Variants in LYN observed in about 807,000 individuals in gnomAD.
LYN encodes tyrosine-protein kinase Lyn.
Under a neutral mutation model 65.0 loss-of-function variants are expected in LYN, and 12 were observed. That is an observed-to-expected ratio of 0.18 (90% CI 0.12 to 0.30). LYN has a LOEUF of 0.30. Among genes scored for constraint, LYN ranks in the 10% least tolerant of loss-of-function variants. LYN has a pLI of 1.00. For synonymous variants in LYN, 222 were observed against 221.2 expected (o/e 1.00, Z -0.03); for missense variants, 380 against 623.2 (o/e 0.61, Z 4.16).
chr8:55,954,586 C>T (rs570478421), intron 8 of LYN, among the ~76,000 whole-genome samples: 1 of 152,122 alleles, frequency 6.6e-6, no homozygotes, highest in South Asian at 2.1e-4. Flanking sequence ...TACCTGTAAT[C>T]CCAGCACTTT....
intron 1 of LYN, among the ~76,000 whole-genome samples, chr8:55,904,614 G>T (rs1247884087): frequency 6.6e-6 from 1 of 152,128 alleles, no homozygotes; most frequent in African/African-American, 2.4e-5. Flanking sequence ...GCCAGGTGCG[G>T]TGGCTCATGC....
chr8:55,935,897 C>G (rs950605843), intron 1 of LYN, among the ~76,000 whole-genome samples: 1 of 152,086 alleles, frequency 6.6e-6, no homozygotes, highest in Non-Finnish European at 1.5e-5. Context: ...CCAAGTCTCT[C>G]CAGCACTGTT....
intron 1 of LYN, among the ~76,000 whole-genome samples, chr8:55,902,479 C>T (rs1456057153): frequency 2.0e-5 from 3 of 151,886 alleles, no homozygotes; most frequent in African/African-American, 2.4e-5. Context: ...AGGTGCGCTC[C>T]ACAACGCCCA....
intron 1 of LYN, among the ~76,000 whole-genome samples, chr8:55,922,253 A>T (rs1042316172): frequency 6.6e-6 from 1 of 151,878 alleles, no homozygotes; most frequent in African/African-American, 2.4e-5. Context: ...ACGCCCAGCT[A>T]ATGTGTTTAA....
chr8:55,897,636 G>A (rs1805154200), intron 1 of LYN, among the ~76,000 whole-genome samples: 2 of 152,136 alleles, frequency 1.3e-5, no homozygotes, highest in South Asian at 4.1e-4. Context: ...TTAAGGTCAG[G>A]TGCAGTTGCT....
intron 1 of LYN, among the ~76,000 whole-genome samples, chr8:55,925,911 TA>T (rs1354260741): frequency 2.0e-5 from 3 of 152,250 alleles, no homozygotes. Context: ...AGTGTTTATG[TA>T]AAAATTTTTG....
At chr8:55,954,783 C>T (rs932473557) in intron 8 of LYN, among the ~76,000 whole-genome samples, 7 of 151,688 alleles carry the variant, frequency 4.6e-5, no homozygotes, top group Middle Eastern at 3.2e-3. Flanking sequence ...TGCAGTGGGC[C>T]GAGATGGCAC....
intron 1 of LYN, among the ~76,000 whole-genome samples, chr8:55,936,855 C>T (rs1806449919): frequency 6.6e-6 from 1 of 152,124 alleles, no homozygotes; most frequent in African/African-American, 2.4e-5. Context: ...GAAGCCAGAC[C>T]AAGTTCCGGT....
At chr8:55,903,584 A>T (rs113809677) in intron 1 of LYN, among the ~76,000 whole-genome samples, 1 of 152,238 alleles carries the variant, frequency 6.6e-6, no homozygotes. Context: ...ATTTCCTGGA[A>T]GGATATTTTT....
intron 12 of LYN, among the ~76,000 whole-genome samples, chr8:56,009,177 C>G (rs1808750460): frequency 6.6e-6 from 1 of 152,116 alleles, no homozygotes; most frequent in Non-Finnish European, 1.5e-5. Flanking sequence ...AAGCTGAAAG[C>G]ATGCTACCCT....
At chr8:55,943,433 G>T (rs984732371) in intron 2 of LYN, among the ~76,000 whole-genome samples, 1 of 151,856 alleles carries the variant, frequency 6.6e-6, no homozygotes, top group African/African-American at 2.4e-5. Flanking sequence ...AAAATTAGCC[G>T]GGTGTGGTGG....
chr8:56,009,868 C>T lies in LYN; in HGVS notation c.1337-40C>T, dbSNP rs745698246. The T allele has an allele frequency of 2.9e-5, 46 of 1,561,496 alleles. 1 individual carries two copies. The Admixed American group carries it at 4.7e-4, about 16-fold the overall frequency. On this transcript the variant is annotated intron_variant, in intron 12 of 12. Transcript: ENST00000519728. Reference sequence around the variant, plus strand: ...CTTGACCCTCTGCCAGGTTTCTAAACGGCATGGGTTTCTGTTCTTTTTGTT... The same window carrying T: ...CTTGACCCTCTGCCAGGTTTCTAAATGGCATGGGTTTCTGTTCTTTTTGTT...
intron 12 of LYN, among the ~76,000 whole-genome samples, chr8:56,003,217 G>A (rs368233871): frequency 1.3e-4 from 19 of 150,450 alleles, no homozygotes; most frequent in African/African-American, 4.0e-4. Flanking sequence ...CCGCCACCAC[G>A]CCCAGCTAAT....
intron 12 of LYN, among the ~76,000 whole-genome samples, chr8:56,006,094 T>A (rs767725251): frequency 2.8e-4 from 43 of 151,850 alleles, no homozygotes; most frequent in Middle Eastern, 3.4e-3. Context: ...AAAAAAAAGG[T>A]GGGGGTGTCT....
intron 12 of LYN, among the ~76,000 whole-genome samples, chr8:56,004,569 C>T (rs1454503734): frequency 2.0e-5 from 3 of 152,110 alleles, no homozygotes; most frequent in Admixed American, 1.3e-4. Context: ...GCAGGGATTA[C>T]AGGCATGAGC....
intron 1 of LYN, among the ~76,000 whole-genome samples, chr8:55,930,586 G>A (rs915901720): frequency 6.6e-6 from 1 of 152,118 alleles, no homozygotes; most frequent in Non-Finnish European, 1.5e-5. Flanking sequence ...TTTTCATAGT[G>A]TTCCCTTTTA....
At position 55,909,040 on chromosome 8, in the gene LYN, C is replaced by T. The variant is rs1013085469; in HGVS notation, c.-6+28937C>T. Among the ~76,000 whole-genome samples, 282 of 91,342 alleles carry T rather than the reference C, an allele frequency of 3.1e-3. 13 individuals are homozygous for T. The highest frequency in any genetic ancestry group is 0.014 in the African/African-American group (268 of 19,460). The allele number at this position is 91,342 out of a possible 152,430, so 59.9% of individuals were successfully genotyped here. ...ACACACACACACACACACACACACA[C>T]ACACACACACACCCCACATTTTCTT... On this transcript the variant is annotated intron_variant, in intron 1 of 12. Transcript: ENST00000519728.
intron 1 of LYN, among the ~76,000 whole-genome samples, chr8:55,888,982 G>T (rs1585563785): frequency 6.6e-6 from 1 of 152,118 alleles, no homozygotes; most frequent in Non-Finnish European, 1.5e-5. Context: ...CCCAATGTAT[G>T]TAACAAAAAT....
Position 55,953,896 on chromosome 8 carries a change from A to T in LYN, c.702A>T (p.Pro234=). 1 of 1,614,002 alleles carries T rather than the reference A, an allele frequency of 6.2e-7. No individual in the cohort carries two copies. The highest frequency in any genetic ancestry group is 8.5e-7 in the Non-Finnish European group (1 of 1,179,984). Residue 234 remains proline (P), a synonymous_variant, in exon 8 of 13, where the codon CCA becomes CCT. Transcript: ENST00000519728. ...KACISPKPQK[P]WDKDAWEIPR... The stretch of plus-strand genomic sequence containing the variant: ...GTATTAGTCCCAAGCCACAGAAGCC[A>T]TGGGATAAAGATGCCTGGGAGATCC...
Sources: gnomAD v4.1 joint callset for allele counts (sites outside exome capture counted in the v4.1 genomes callset) on GRCh38, gnomAD v4.1.1 for gene constraint, MANE v1.5 for transcripts, NCBI Gene and HGNC (gene_info 2026-07-23, HGNC 2026-07-21) for gene names.